The following CLEC16A variants were observed in gnomAD, a reference collection of about 807,000 sequenced individuals.
The protein encoded by CLEC16A is C-type lectin domain containing 16A.
Under a neutral mutation model 109.5 loss-of-function variants are expected in CLEC16A, and 51 were observed. The ratio of observed to expected loss-of-function variants is 0.47; its 90% CI spans 0.37 to 0.59. CLEC16A has a LOEUF of 0.59. Ranked by LOEUF, CLEC16A falls within the 20% of genes least tolerant of loss-of-function variation. The probability of loss-of-function intolerance (pLI) is 0.00; values close to 1 mark genes in which losing one functional copy is unlikely to be tolerated. For synonymous variants in CLEC16A, 673 were observed against 564.2 expected (o/e 1.19, Z -2.73); for missense variants, 1,339 against 1,394.0 (o/e 0.96, Z 0.63).
chr16:11,066,230 A>T (rs1407749258), intron 19 of CLEC16A, among the ~76,000 whole-genome samples: 1 of 152,124 alleles, frequency 6.6e-6, no homozygotes, highest in Non-Finnish European at 1.5e-5. Context: ...GCCTGACAGA[A>T]TTGCAGAGAG....
chr16:11,047,487 G>A (rs1423071733), intron 17 of CLEC16A, 145 bp downstream of exon 17: 3 of 457,108 alleles, frequency 6.6e-6, no homozygotes, highest in Non-Finnish European at 1.1e-5. Flanking sequence ...TTAGAATGGT[G>A]TCTTGTGATC....
chr16:10,982,082 TG>T (rs542153944), intron 9 of CLEC16A, among the ~76,000 whole-genome samples: 129 of 152,304 alleles, frequency 8.5e-4, no homozygotes, highest in African/African-American at 3.0e-3. Flanking sequence ...TCTATGCAAA[TG>T]GTAGATAAGC....
At chr16:10,972,232 G>A (rs955524347) in intron 5 of CLEC16A, among the ~76,000 whole-genome samples, 1 of 152,270 alleles carries the variant, frequency 6.6e-6, no homozygotes, top group African/African-American at 2.4e-5. Context: ...CAGTCCTGCA[G>A]TTGGGGGGGT....
intron 23 of CLEC16A, among the ~76,000 whole-genome samples, chr16:11,168,788 G>C (rs140158445): frequency 1.3e-5 from 2 of 152,372 alleles, no homozygotes; most frequent in East Asian, 3.9e-4. Flanking sequence ...CCAGCAAGCC[G>C]CAGAGGAGAG....
intron 2 of CLEC16A, among the ~76,000 whole-genome samples, chr16:10,960,010 C>T (rs972874708): frequency 6.6e-6 from 1 of 152,132 alleles, no homozygotes; most frequent in Non-Finnish European, 1.5e-5. Context: ...GATTCTTAAA[C>T]AGTTATCCAA....
At chr16:11,067,202 T>G (rs1266896695) in intron 19 of CLEC16A, among the ~76,000 whole-genome samples, 6 of 148,696 alleles carry the variant, frequency 4.0e-5, no homozygotes, top group East Asian at 1.9e-4. Flanking sequence ...TTTTTTTTTT[T>G]TTTTTTTTAA....
intron 23 of CLEC16A, among the ~76,000 whole-genome samples, chr16:11,173,965 G>A (rs1567420711): frequency 6.6e-6 from 1 of 152,112 alleles, no homozygotes; most frequent in Non-Finnish European, 1.5e-5. Flanking sequence ...TGCATGGGGG[G>A]TGTCTTCTCT....
chr16:11,056,467 G>A (rs530978609), intron 18 of CLEC16A: 8 of 152,326 alleles, frequency 5.3e-5, no homozygotes, highest in Admixed American at 3.3e-4. Flanking sequence ...CTTAATGCCA[G>A]AGAAAAGAGA....
chr16:11,158,956 G>A (rs1448669683), intron 22 of CLEC16A, among the ~76,000 whole-genome samples: 3 of 151,338 alleles, frequency 2.0e-5, no homozygotes. Context: ...AGACCCCTCT[G>A]GTTGCATACA....
chr16:10,975,702 C>T (rs1196170630), intron 7 of CLEC16A, among the ~76,000 whole-genome samples: 1 of 152,054 alleles, frequency 6.6e-6, no homozygotes, highest in Non-Finnish European at 1.5e-5. Context: ...GGCTGGAGTG[C>T]AATAGTGCAA....
chr16:11,108,757 G>C (rs894045500), intron 19 of CLEC16A, among the ~76,000 whole-genome samples: 2 of 152,138 alleles, frequency 1.3e-5, no homozygotes, highest in African/African-American at 4.8e-5. Context: ...GAAAGTTGGG[G>C]CTTGGCATAT....
intron 11 of CLEC16A, among the ~76,000 whole-genome samples, chr16:11,007,078 G>T (rs2152762898): frequency 6.6e-6 from 1 of 152,286 alleles, no homozygotes; most frequent in East Asian, 1.9e-4. Context: ...TTTACTTAGA[G>T]CAGTAACTTA....
At chr16:11,040,692 T>G (rs1438819718) in intron 14 of CLEC16A, 1 of 151,906 alleles carries the variant, frequency 6.6e-6, no homozygotes, top group East Asian at 1.9e-4. Flanking sequence ...TTTTGTATTT[T>G]TAGTTGAGAC....
chr16:11,042,389 C>T, intron 15 of CLEC16A, 26 bp downstream of exon 15: 2 of 1,524,492 alleles, frequency 1.3e-6, no homozygotes, highest in African/African-American at 1.4e-5. Flanking sequence ...CTCCTCCTTC[C>T]TGTGGGCCAA....
chr16:11,084,968 C>T (rs1343598197), intron 19 of CLEC16A, among the ~76,000 whole-genome samples: 5 of 152,204 alleles, frequency 3.3e-5, no homozygotes, highest in Non-Finnish European at 5.9e-5. Flanking sequence ...CCCATGAGGG[C>T]CCTGAGTTTG....
At position 11,063,721 on chromosome 16, in the gene CLEC16A, G is replaced by A. The variant is rs191693822; in HGVS notation, c.2116+2699G>A. On this transcript the variant is annotated intron_variant, in intron 19 of 23. Transcript: ENST00000409790. ...CGGCTGGGTGTGACAGCCGAGCTCC[G>A]GCTGTCATAAAAGGTGGCTTCTCAT... is the stretch of plus-strand genomic sequence containing the variant. Among the ~76,000 whole-genome samples the A allele has an allele frequency of 4.6e-4, 70 of 152,248 alleles. 1 individual carries two copies. In the East Asian group the frequency reaches 0.012, roughly 26 times the overall value.
chr16:11,068,539 A>G (rs1240803184), intron 19 of CLEC16A, among the ~76,000 whole-genome samples: 1 of 152,140 alleles, frequency 6.6e-6, no homozygotes, highest in Admixed American at 6.5e-5. Flanking sequence ...TACCTGCCCA[A>G]CATTTCTTGG....
chr16:11,070,693 C>G (rs1004176685), intron 19 of CLEC16A: 15 of 152,200 alleles, frequency 9.9e-5, no homozygotes, highest in Admixed American at 2.0e-4. Context: ...GAGACCTTTA[C>G]CCCTGAGGCT....
intron 10 of CLEC16A, among the ~76,000 whole-genome samples, chr16:10,993,843 G>C (rs1246702884): frequency 1.3e-5 from 2 of 152,218 alleles, no homozygotes; most frequent in African/African-American, 4.8e-5. Context: ...ATTCCCTCTT[G>C]ATTGAATGCC....
Sources: gnomAD v4.1 joint callset for allele counts (sites outside exome capture counted in the v4.1 genomes callset) on GRCh38, gnomAD v4.1.1 for gene constraint, MANE v1.5 for transcripts, NCBI Gene and HGNC (gene_info 2026-07-23, HGNC 2026-07-21) for gene names.